Variants in SH3D19 observed in about 807,000 individuals in gnomAD.
The protein encoded by SH3D19 is SH3 domain containing 19.
A neutral mutation model predicts 112.1 loss-of-function variants in SH3D19; 58 were observed. The ratio of observed to expected loss-of-function variants is 0.52; its 90% confidence interval spans 0.42 to 0.64. The LOEUF (loss-of-function observed/expected upper bound fraction) is 0.64, where lower values mean the gene tolerates loss of function less well. Among genes scored for constraint, SH3D19 ranks in the 30% least tolerant of loss-of-function variants. The pLI is 0.00. For synonymous variants in SH3D19, 391 were observed against 448.5 expected (o/e 0.87, Z 1.62); for missense variants, 1,090 against 1,263.4 (o/e 0.86, Z 2.08).
At chr4:151,292,299 T>TAA (rs879829140) in intron 1 of SH3D19, among the ~76,000 whole-genome samples, 6 of 142,392 alleles carry the variant, frequency 4.2e-5, no homozygotes, top group Admixed American at 1.4e-4. Context: ...ACCCTGTCTT[T>TAA]AAAAAAAAAA....
At chr4:151,271,201 T>C (rs1773201699) in intron 1 of SH3D19, among the ~76,000 whole-genome samples, 1 of 152,226 alleles carries the variant, frequency 6.6e-6, no homozygotes, top group Non-Finnish European at 1.5e-5. Context: ...CCTAGGATTA[T>C]AGGCATGAGC....
intron 1 of SH3D19, among the ~76,000 whole-genome samples, chr4:151,252,373 G>T (rs543477337): frequency 6.6e-6 from 1 of 152,106 alleles, no homozygotes; most frequent in African/African-American, 2.4e-5. Flanking sequence ...CTGATGGTCA[G>T]TTCTCAGCCA....
At chr4:151,190,177 T>C (rs967577333) in intron 2 of SH3D19, among the ~76,000 whole-genome samples, 8 of 152,298 alleles carry the variant, frequency 5.3e-5, no homozygotes, top group African/African-American at 1.9e-4. Flanking sequence ...AAGAAATTTC[T>C]AAGCAGCAAA....
intron 19 of SH3D19, among the ~76,000 whole-genome samples, chr4:151,126,150 C>T (rs1160482609): frequency 6.6e-6 from 1 of 152,096 alleles, no homozygotes; most frequent in African/African-American, 2.4e-5. Context: ...TTTTAAACTC[C>T]TGGCCTCAAG....
intron 2 of SH3D19, among the ~76,000 whole-genome samples, chr4:151,199,510 G>A (rs927992117): frequency 1.3e-5 from 2 of 152,174 alleles, no homozygotes; most frequent in Non-Finnish European, 2.9e-5. Context: ...TAGTCTCAAA[G>A]TAAGGACTCT....
At chr4:151,311,854 CAGAGAGCAGAAG>C (rs920675449) in intron 1 of SH3D19, among the ~76,000 whole-genome samples, 5 of 152,020 alleles carry the variant, frequency 3.3e-5, no homozygotes, top group African/African-American at 1.2e-4. Flanking sequence ...ATAAAAGAAC[CAGAGAGCAGAAG>C]GGTGGTTACC....
rs187460255 is a variant in SH3D19, at chr4:151,312,638, C to G, written c.112+12603G>C. 5.6e-4 allele frequency among the ~76,000 whole-genome samples: 85 copies of G among 152,242 alleles called. 1 individual carries two copies. The highest frequency in any genetic ancestry group is 2.0e-3 in the African/African-American group (84 of 41,540). On this transcript the variant is annotated intron_variant, in intron 1 of 19. Transcript: ENST00000604030. ...AGTCGGCCAGGCATGGTGGCTCACACCTGTAATCACGGCACTTTGGGAGGC... is the reference window on the plus strand; with the variant it reads ...AGTCGGCCAGGCATGGTGGCTCACAGCTGTAATCACGGCACTTTGGGAGGC...
At chr4:151,218,540 G>A (rs1197240686) in intron 2 of SH3D19, among the ~76,000 whole-genome samples, 1 of 151,948 alleles carries the variant, frequency 6.6e-6, no homozygotes, top group Non-Finnish European at 1.5e-5. Flanking sequence ...AGCCTCCCAA[G>A]CAGCTAGGAC....
intron 2 of SH3D19, among the ~76,000 whole-genome samples, chr4:151,190,630 C>G (rs937143703): frequency 6.6e-6 from 1 of 152,164 alleles, no homozygotes; most frequent in African/African-American, 2.4e-5. Flanking sequence ...TGGTGTTGAG[C>G]GTGCAAGTGC....
At chr4:151,286,657 G>A (rs558053345) in intron 1 of SH3D19, among the ~76,000 whole-genome samples, 1 of 150,148 alleles carries the variant, frequency 6.7e-6, no homozygotes, top group Admixed American at 6.6e-5. Context: ...AGAATTCATT[G>A]ATGAATTCTA....
intron 1 of SH3D19, among the ~76,000 whole-genome samples, chr4:151,234,560 T>A (rs976239523): frequency 6.6e-6 from 1 of 152,110 alleles, no homozygotes; most frequent in Non-Finnish European, 1.5e-5. Flanking sequence ...TCTCTTGCCT[T>A]AATAGTTACT....
rs1728869054 is a variant in SH3D19 at position 151,305,956 on chromosome 4, A to G, written c.112+19285T>C. ...AGACTACTACTTGGCAGTAAAACAGATCAAACTATTGATATAGTAACAAAA... is the reference window on the plus strand; with the variant it reads ...AGACTACTACTTGGCAGTAAAACAGGTCAAACTATTGATATAGTAACAAAA... On this transcript the variant is annotated intron_variant, in intron 1 of 19. Transcript: ENST00000604030. Among the ~76,000 whole-genome samples the G allele has an allele frequency of 2.0e-5, 3 of 152,366 alleles. No homozygotes were observed. In the South Asian group the frequency reaches 6.2e-4, roughly 32 times the overall value.
intron 1 of SH3D19, chr4:151,277,361 C>G: frequency 1.9e-6 from 1 of 529,868 alleles, no homozygotes; most frequent in East Asian, 3.4e-5. Context: ...TGAGAGGCTA[C>G]TATATACCCA....
chr4:151,186,897 C>T (rs1187581273), intron 3 of SH3D19, among the ~76,000 whole-genome samples: 4 of 150,882 alleles, frequency 2.7e-5, no homozygotes, highest in African/African-American at 7.3e-5. Flanking sequence ...CGGGTTCACG[C>T]CATTCTCCTG....
rs56816908 is a variant in SH3D19, at chr4:151,215,193, A to C, written c.152+10854T>G. ...TGCCTTGGCCTCCCAAAGTGTTGCG[A>C]ATACAGGCATGAGCCACCACAGCCG... On this transcript the variant is annotated intron_variant, in intron 2 of 19. Coordinates refer to ENST00000604030, the MANE Select transcript of SH3D19 (RefSeq NM_001378122.1). Among the ~76,000 whole-genome samples the C allele has an allele frequency of 4.7e-3, 717 of 152,320 alleles. 9 individuals carry two copies. The highest frequency in any genetic ancestry group is 0.016 in the African/African-American group (678 of 41,574).
chr4:151,194,016 ATTTTTTTTTTTTTTTTTTTT>A (rs201719037), intron 2 of SH3D19, among the ~76,000 whole-genome samples: 1 of 111,902 alleles, frequency 8.9e-6, no homozygotes, highest in African/African-American at 4.5e-5. Flanking sequence ...AGTAGGATTA[ATTTTTTTTTTTTTTTTTTTT>A]TTTTTTTTTT....
intron 1 of SH3D19, among the ~76,000 whole-genome samples, chr4:151,290,623 T>A (rs1775227844): frequency 6.6e-6 from 1 of 152,198 alleles, no homozygotes; most frequent in African/African-American, 2.4e-5. Flanking sequence ...TGGTGATGGT[T>A]GTACAACACT....
intron 1 of SH3D19, among the ~76,000 whole-genome samples, chr4:151,281,672 T>G (rs1774248622): frequency 2.0e-5 from 1 of 49,594 alleles, no homozygotes; most frequent in South Asian, 4.0e-4. Flanking sequence ...GAACTTGTTA[T>G]TTATTTATTT....
chr4:151,214,157 CAT>C (rs1486504634), intron 2 of SH3D19, among the ~76,000 whole-genome samples: 1 of 151,848 alleles, frequency 6.6e-6, no homozygotes, highest in Non-Finnish European at 1.5e-5. Context: ...GGACACAGCA[CAT>C]GTTTCAGAGA....
Sources: gnomAD v4.1 joint callset for allele counts (sites outside exome capture counted in the v4.1 genomes callset) on GRCh38, gnomAD v4.1.1 for gene constraint, MANE v1.5 for transcripts, NCBI Gene and HGNC (gene_info 2026-07-23, HGNC 2026-07-21) for gene names.